BOLL: variants seen among roughly 807,000 people sequenced by gnomAD.
BOLL encodes the protein protein boule-like.
BOLL carries 23 observed loss-of-function variants against 44.4 expected under a neutral mutation model. The observed-to-expected ratio is 0.52, with a 90% confidence interval of 0.37 to 0.73. The LOEUF (loss-of-function observed/expected upper bound fraction) is 0.73, where lower values mean the gene tolerates loss of function less well. Ranked by LOEUF, BOLL falls within the 30% of genes least tolerant of loss-of-function variation. The probability of loss-of-function intolerance (pLI) is 0.00; values close to 1 mark genes in which losing one functional copy is unlikely to be tolerated. For synonymous variants in BOLL, 97 were observed against 110.8 expected (o/e 0.88, Z 0.78); for missense variants, 287 against 338.3 (o/e 0.85, Z 1.19).
intron 9 of BOLL, among the ~76,000 whole-genome samples, chr2:197,745,367 T>C (rs1264127966): frequency 6.6e-6 from 1 of 152,132 alleles, no homozygotes; most frequent in East Asian, 1.9e-4. Flanking sequence ...TTAGTCAGAC[T>C]ATACCCTCTA....
chr2:197,746,620 G>A (rs1486067527), intron 9 of BOLL, among the ~76,000 whole-genome samples: 1 of 152,090 alleles, frequency 6.6e-6, no homozygotes, highest in East Asian at 1.9e-4. Context: ...AAGCAGAGAG[G>A]GCCAGGTGCG....
At chr2:197,763,389 G>A (rs937107806) in intron 7 of BOLL, among the ~76,000 whole-genome samples, 1 of 151,402 alleles carries the variant, frequency 6.6e-6, no homozygotes, top group African/African-American at 2.4e-5. Context: ...GGCTGAGGCA[G>A]GAGAATGACA....
intron 10 of BOLL, among the ~76,000 whole-genome samples, chr2:197,729,256 C>T (rs1276816538): frequency 6.6e-6 from 1 of 152,144 alleles, no homozygotes; most frequent in Non-Finnish European, 1.5e-5. Flanking sequence ...GCTTTTCCGA[C>T]GGGCTTAAAA....
chr2:197,786,115 T>C (rs535182790), upstream of BOLL: 153 of 1,427,718 alleles, frequency 1.1e-4, 1 homozygote, highest in African/African-American at 2.2e-3. The surrounding 1 kb of genome is among the most constrained non-coding windows in gnomAD (Gnocchi z 5.9). Context: ...TCTCGCCCCC[T>C]GGCGGCGAGG....
chr2:197,759,561 G>A (rs700650), intron 7 of BOLL, among the ~76,000 whole-genome samples: 75,180 of 151,848 alleles, frequency 0.5, 19,264 homozygotes, highest in African/African-American at 0.6. Flanking sequence ...CCAGTACTGG[G>A]GTTCCATTTT....
At chr2:197,762,891 T>C (rs1250972333) in intron 7 of BOLL, among the ~76,000 whole-genome samples, 1 of 151,646 alleles carries the variant, frequency 6.6e-6, no homozygotes, top group African/African-American at 2.4e-5. Flanking sequence ...AGGGCAGAAA[T>C]AAACAATGTT....
In BOLL at chr2:197,764,413, C is replaced by T. The variant is rs567686234; in HGVS notation, c.552+2119G>A. ...ACATGGATGGAACTGGAGGTCATTA[C>T]GTTAAATGAAATAAGCCAGGAACAG... On this transcript the variant is annotated intron_variant, in intron 7 of 10. Coordinates refer to ENST00000392296, the MANE Select transcript of BOLL (RefSeq NM_033030.6). 1.2e-4 allele frequency among the ~76,000 whole-genome samples: 18 copies of T among 152,192 alleles called. No individual in the cohort carries two copies. In the South Asian group the frequency reaches 1.5e-3, roughly 12 times the overall value.
chr2:197,778,214 C>G (rs1689602352), intron 3 of BOLL, among the ~76,000 whole-genome samples: 1 of 151,894 alleles, frequency 6.6e-6, no homozygotes. Flanking sequence ...CCAGCATATC[C>G]ATCTGTCGAA....
intron 2 of BOLL, among the ~76,000 whole-genome samples, chr2:197,780,265 T>G (rs938084877): frequency 1.3e-5 from 2 of 152,060 alleles, no homozygotes; most frequent in African/African-American, 4.8e-5. Flanking sequence ...AAAAAGTCTG[T>G]GACTACTTGC....
intron 9 of BOLL, among the ~76,000 whole-genome samples, chr2:197,753,447 A>G (rs1574832917): frequency 6.6e-6 from 1 of 152,134 alleles, no homozygotes; most frequent in South Asian, 2.1e-4. Flanking sequence ...TTACAAGAAA[A>G]AAACAATCCC....
chr2:197,764,910 G>T (rs1161994196), intron 7 of BOLL, among the ~76,000 whole-genome samples: 1 of 151,824 alleles, frequency 6.6e-6, no homozygotes, highest in Non-Finnish European at 1.5e-5. Context: ...ACAGTAAGCT[G>T]GTTTACAGAT....
At chr2:197,767,970 A>C (rs914616345) in intron 6 of BOLL, among the ~76,000 whole-genome samples, 3 of 152,030 alleles carry the variant, frequency 2.0e-5, no homozygotes, top group Non-Finnish European at 2.9e-5. Context: ...CAAAAACTCC[A>C]GGAAAAAAAG....
chr2:197,785,832 C>A, upstream of BOLL: 1 of 738,698 alleles, frequency 1.4e-6, no homozygotes, highest in East Asian at 2.7e-5. This position sits in a 1 kb window ranked among gnomAD's most constrained non-coding sequence, Gnocchi z 6.7. Flanking sequence ...CTCCTGGCAG[C>A]GGTCGATGGG....
At chr2:197,738,782 C>T (rs957626782) in intron 10 of BOLL, among the ~76,000 whole-genome samples, 1 of 151,942 alleles carries the variant, frequency 6.6e-6, no homozygotes, top group Non-Finnish European at 1.5e-5. Context: ...TTAAAAGTCA[C>T]CAAGATTTTT....
intron 9 of BOLL, among the ~76,000 whole-genome samples, chr2:197,745,112 G>T (rs1474309493): frequency 6.6e-6 from 1 of 152,244 alleles, no homozygotes; most frequent in East Asian, 1.9e-4. Context: ...CTCTGCAAAA[G>T]AGAAGGCAAA....
chr2:197,755,623 C>T (rs978739949), intron 9 of BOLL, among the ~76,000 whole-genome samples: 1 of 152,178 alleles, frequency 6.6e-6, no homozygotes, highest in African/African-American at 2.4e-5. Flanking sequence ...AGCCATTATC[C>T]TCAGCAAACT....
rs115778928 is a variant in BOLL, at chr2:197,756,345, G to A, written c.729+83C>T. 1.8e-4 allele frequency: 231 copies of A among 1,264,238 alleles called. No homozygotes were observed. The African/African-American group carries it at 3.2e-3, about 17-fold the overall frequency. The allele number at this position is 1,264,238 out of a possible 1,614,324, so 78.3% of individuals were successfully genotyped here. A position where few individuals can be genotyped will look rare whatever the true frequency, so the allele number is the denominator to read the frequency against. ...AGATGAAGCAGTTTCAATGAGGGTC[G>A]TGAACAAATTTAAAAAAGAGAAAAA... On this transcript the variant is annotated intron_variant, in intron 9 of 10. Transcript: ENST00000392296.
intron 1 of BOLL, among the ~76,000 whole-genome samples, chr2:197,782,610 CT>C (rs1689840703): frequency 6.6e-6 from 1 of 152,192 alleles, no homozygotes; most frequent in Admixed American, 6.5e-5. Context: ...AGCCTATATC[CT>C]GTAAGTTCTA....
rs1326503109 is a variant in BOLL at position 197,730,934 on chromosome 2, T to C, written c.829-2356A>G. On this transcript the variant is annotated intron_variant, in intron 10 of 10. Transcript: ENST00000392296. The stretch of plus-strand genomic sequence containing the variant: ...TGAGAAAAATAACCAGCTAACATCA[T>C]AATGACAGGATCAAATTCACACATA... Among the ~76,000 whole-genome samples the C allele has an allele frequency of 1.6e-4, 24 of 151,764 alleles. No homozygotes were observed. The South Asian group carries it at 4.8e-3, about 30-fold the overall frequency.
Sources: allele counts gnomAD v4.1 joint callset (sites outside exome capture counted in the v4.1 genomes callset), GRCh38; gene constraint gnomAD v4.1.1; non-coding constraint Gnocchi (gnomAD v3.1); transcripts MANE v1.5; gene names NCBI Gene and HGNC (gene_info 2026-07-23, HGNC 2026-07-21).